Variants in CYSTM1 observed in about 807,000 individuals in gnomAD.
The protein encoded by CYSTM1 is cysteine-rich transmembrane module-containing protein 1.
CYSTM1 carries 4 observed loss-of-function variants against 13.1 expected under a neutral mutation model. The observed-to-expected ratio is 0.31, with a 90% confidence interval of 0.15 to 0.70. The LOEUF is 0.70. CYSTM1 is among the 30% of genes least tolerant of loss of function. The pLI, the probability that CYSTM1 is intolerant of heterozygous loss-of-function variation, is 0.72. For synonymous variants in CYSTM1, 36 were observed against 42.7 expected, an observed-to-expected ratio of 0.84 and a Z score of 0.62; for missense variants, 96 against 121.6, an observed-to-expected ratio of 0.79 and a Z score of 0.99.
intron 2 of CYSTM1, among the ~76,000 whole-genome samples, chr5:140,221,524 T>G (rs1313636171): frequency 2.6e-5 from 4 of 152,252 alleles, no homozygotes; most frequent in Non-Finnish European, 4.4e-5. Flanking sequence ...TCAAGATTCA[T>G]CCATGCTGTA....
intron 2 of CYSTM1, chr5:140,201,277 CAT>C (rs1173552325): frequency 1.3e-5 from 2 of 152,222 alleles, no homozygotes; most frequent in Non-Finnish European, 2.9e-5. Context: ...ACATCCCCCT[CAT>C]ATGCAAAATA....
chr5:140,231,933 GC>G (rs1764622529), intron 2 of CYSTM1, among the ~76,000 whole-genome samples: 1 of 152,226 alleles, frequency 6.6e-6, no homozygotes, highest in Non-Finnish European at 1.5e-5. Flanking sequence ...TATCACATTT[GC>G]ATTTTTAAGA....
At chr5:140,186,145 C>A (rs1764013240) in intron 1 of CYSTM1, among the ~76,000 whole-genome samples, 1 of 152,152 alleles carries the variant, frequency 6.6e-6, no homozygotes, top group Non-Finnish European at 1.5e-5. Flanking sequence ...TAGTTCTTTA[C>A]CTCTTATCTC....
chr5:140,214,950 T>G (rs1310880315), intron 2 of CYSTM1, among the ~76,000 whole-genome samples: 1 of 152,190 alleles, frequency 6.6e-6, no homozygotes, highest in African/African-American at 2.4e-5. Context: ...GAGCCATTCC[T>G]GTACAGAAAG....
In CYSTM1 at chr5:140,243,503, T is replaced by G; in HGVS notation, c.*92T>G. 9.8e-7 allele frequency: 1 copy of G among 1,019,700 alleles called. No individual in the cohort carries two copies. Among genetic ancestry groups the G allele is most frequent in the Non-Finnish European group, 1.5e-6 (1 of 685,064 alleles). 63.2% of individuals were successfully genotyped at this position (1,019,700 alleles called of 1,614,324 possible). On this transcript the variant is annotated 3_prime_UTR_variant, in exon 3 of 3. Transcript: ENST00000261811. ...ATCTCTTCTGATTGCTGTTAACAAA[T>G]GACTAGCTTTGCACAGACACCTCTA...
intron 2 of CYSTM1, among the ~76,000 whole-genome samples, chr5:140,212,983 G>GTGTACATATATATATATATATA (rs1405430820): frequency 8.7e-6 from 1 of 114,294 alleles, no homozygotes; most frequent in Admixed American, 9.3e-5. Context: ...CAAAACAAAA[G>GTGTACATATATATATATATATA]TATATATATA....
chr5:140,190,871 G>T (rs1400274491), intron 1 of CYSTM1, among the ~76,000 whole-genome samples: 3 of 152,152 alleles, frequency 2.0e-5, no homozygotes, highest in African/African-American at 2.4e-5. Flanking sequence ...GTTTGCATTT[G>T]ATCTGTAGTA....
chr5:140,211,734 G>C (rs1016964343), intron 2 of CYSTM1, among the ~76,000 whole-genome samples: 3 of 152,118 alleles, frequency 2.0e-5, no homozygotes, highest in Non-Finnish European at 4.4e-5. Flanking sequence ...ATCACTTCAG[G>C]TCAGGAATTC....
At chr5:140,204,749 A>G (rs150780580) in intron 2 of CYSTM1, among the ~76,000 whole-genome samples, 94 of 151,710 alleles carry the variant, frequency 6.2e-4, no homozygotes, top group African/African-American at 2.2e-3. Flanking sequence ...CTCTGCTTCC[A>G]CTGCATCTTC....
chr5:140,222,982 C>G (rs1764508880), intron 2 of CYSTM1, among the ~76,000 whole-genome samples: 1 of 152,258 alleles, frequency 6.6e-6, no homozygotes, highest in South Asian at 2.1e-4. Context: ...CTGTACATAT[C>G]CTGGCCTGTA....
intron 1 of CYSTM1, among the ~76,000 whole-genome samples, chr5:140,182,159 G>A (rs1332386306): frequency 6.6e-6 from 1 of 152,168 alleles, no homozygotes; most frequent in Non-Finnish European, 1.5e-5. Flanking sequence ...ACAAATAGAA[G>A]GTATAAATTA....
At chr5:140,238,372 GA>G (rs1236690600) in intron 2 of CYSTM1, among the ~76,000 whole-genome samples, 1 of 152,190 alleles carries the variant, frequency 6.6e-6, no homozygotes, top group African/African-American at 2.4e-5. Context: ...ACAGTCTGAT[GA>G]AAACTACAGA....
rs775988981 is a variant in CYSTM1 at position 140,219,721 on chromosome 5, C to T, written c.188-23584C>T. On this transcript the variant is annotated intron_variant, in intron 2 of 2. Coordinates refer to ENST00000261811, the MANE Select transcript of CYSTM1 (RefSeq NM_032412.4). The surrounding 1 kb of genome is among the most constrained non-coding windows in gnomAD (Gnocchi z 4.1). ...TGGTCTGTATACCTAAGATAAAACA[C>T]GTTTTATGTTCATTAAAAATGATAT... is the stretch of plus-strand genomic sequence containing the variant. Among the ~76,000 whole-genome samples, 37 of 152,160 alleles carry T rather than the reference C, an allele frequency of 2.4e-4. No homozygotes were observed. The highest frequency in any genetic ancestry group is 8.2e-4 in the African/African-American group (34 of 41,426).
intron 2 of CYSTM1, among the ~76,000 whole-genome samples, chr5:140,222,614 C>T (rs79507274): frequency 1.3e-3 from 205 of 152,344 alleles, no homozygotes; most frequent in African/African-American, 4.7e-3. Flanking sequence ...GAACTCATGA[C>T]GTGGTAAGGA....
chr5:140,227,599 G>A (rs1474202461), intron 2 of CYSTM1, among the ~76,000 whole-genome samples: 1 of 152,142 alleles, frequency 6.6e-6, no homozygotes, highest in Non-Finnish European at 1.5e-5. Context: ...GACCATGTGA[G>A]GTGTCTAGGT....
intron 2 of CYSTM1, among the ~76,000 whole-genome samples, chr5:140,226,586 T>TA (rs1764557898): frequency 1.2e-4 from 9 of 75,274 alleles, no homozygotes; most frequent in African/African-American, 4.4e-4. Context: ...ATACTAAATA[T>TA]TATATATATA....
intron 2 of CYSTM1, among the ~76,000 whole-genome samples, chr5:140,226,674 G>A (rs1368888171): frequency 1.4e-5 from 2 of 138,500 alleles, no homozygotes; most frequent in Admixed American, 7.7e-5. Context: ...GCTGAGGCAG[G>A]ATAATCACTT....
intron 1 of CYSTM1, among the ~76,000 whole-genome samples, chr5:140,180,896 A>G (rs1763953686): frequency 1.3e-5 from 2 of 152,212 alleles, no homozygotes; most frequent in African/African-American, 4.8e-5. Context: ...TGAAGAGTAA[A>G]TGCCTTATTC....
chr5:140,233,217 A>G (rs1241108214), intron 2 of CYSTM1, among the ~76,000 whole-genome samples: 5 of 152,182 alleles, frequency 3.3e-5, no homozygotes, highest in African/African-American at 1.2e-4. Context: ...TTTGCAGTGC[A>G]TTTGGCCACA....
Sources: gnomAD v4.1 joint callset for allele counts (sites outside exome capture counted in the v4.1 genomes callset) on GRCh38, gnomAD v4.1.1 for gene constraint, Gnocchi (gnomAD v3.1) non-coding constraint, MANE v1.5 for transcripts, NCBI Gene and HGNC (gene_info 2026-07-23, HGNC 2026-07-21) for gene names.